The following KPNA5 variants were observed in gnomAD, a reference collection of about 807,000 sequenced individuals.
KPNA5 encodes karyopherin subunit alpha 5, also known as importin subunit alpha-6.
KPNA5 carries 46 observed loss-of-function variants against 71.3 expected under a neutral mutation model. That is an observed-to-expected ratio of 0.65 (90% CI 0.51 to 0.83). The LOEUF is 0.83. Ranked by LOEUF, KPNA5 falls within the 40% of genes least tolerant of loss-of-function variation. KPNA5 has a pLI of 0.00. For missense variants in KPNA5, 547 were observed against 628.3 expected (o/e 0.87, Z 1.38); for synonymous variants, 207 against 201.4 (o/e 1.03, Z -0.24).
chr6:116,688,460 GTGTGTGTGA>G (rs1777677933), intron 1 of KPNA5, among the ~76,000 whole-genome samples: 1 of 152,052 alleles, frequency 6.6e-6, no homozygotes, highest in African/African-American at 2.4e-5. Context: ...CAGATTTTGT[GTGTGTGTGA>G]TGTGTAAGTC....
At position 116,692,163 on chromosome 6, in the gene KPNA5, T is replaced by G; in HGVS notation, c.240+7T>G. On this transcript the variant is annotated splice_region_variant and intron_variant, in intron 3 of 13. Transcript: ENST00000368564. ...CACTGTACCCATTCCAGAGGTATAC[T>G]TTACCAAAATATGTTTCAAATTATA... The G allele has an allele frequency of 6.4e-7, 1 of 1,569,776 alleles. No individual in the cohort carries two copies. Among genetic ancestry groups the G allele is most frequent in the Non-Finnish European group, 8.7e-7 (1 of 1,145,472 alleles).
At chr6:116,688,059 A>C (rs1777661149) in intron 1 of KPNA5, among the ~76,000 whole-genome samples, 1 of 152,084 alleles carries the variant, frequency 6.6e-6, no homozygotes, top group Admixed American at 6.5e-5. Context: ...GCTTCTTCAA[A>C]AACTTTGCCT....
chr6:116,702,514 C>T (rs1259804748), intron 6 of KPNA5, among the ~76,000 whole-genome samples: 1 of 152,144 alleles, frequency 6.6e-6, no homozygotes, highest in East Asian at 1.9e-4. Context: ...AAAATCCCAG[C>T]TCTGCTAAAA....
In KPNA5 at chr6:116,733,501, C is replaced by T. The variant is rs1294582130; in HGVS notation, c.*1178C>T. ...TATGAATCATAGATTACATTCATGT[C>T]AGATTGATCAATATGTATGTTTTAT... On this transcript the variant is annotated 3_prime_UTR_variant, in exon 14 of 14. Coordinates refer to ENST00000368564, the MANE Select transcript of KPNA5 (RefSeq NM_001366306.2). 6.6e-6 allele frequency: 1 copy of T among 151,442 alleles called. No homozygotes were observed. The highest frequency in any genetic ancestry group is 1.5e-5 in the Non-Finnish European group (1 of 67,634). 9.4% of individuals were successfully genotyped at this position (151,442 alleles called of 1,614,324 possible).
At chr6:116,732,021 GT>G in intron 13 of KPNA5, 114 bp from the exon 14 acceptor site, 1 of 202,182 alleles carries the variant, frequency 4.9e-6, no homozygotes. Context: ...GATAGATGAT[GT>G]TCACTTATTA....
chr6:116,699,826 G>A (rs1448059894), intron 5 of KPNA5, among the ~76,000 whole-genome samples: 1 of 152,168 alleles, frequency 6.6e-6, no homozygotes, highest in African/African-American at 2.4e-5. Context: ...ATGATTGAAT[G>A]TGAATAAATA....
chr6:116,724,412 A>G (rs758168920), intron 10 of KPNA5, 37 bp downstream of exon 10: 2 of 1,407,962 alleles, frequency 1.4e-6, no homozygotes, highest in African/African-American at 1.4e-5. Flanking sequence ...TTGTTAACAT[A>G]AAGGACTTTA....
Position 116,681,245 on chromosome 6 carries a change from G to A in KPNA5, c.-90G>A, listed in dbSNP as rs1367241616. ...TGCGAACTGGGTCGCTACGCTTCAC[G>A]CCAGGGGCGGAGTGGCGGCCCTTCT... On this transcript the variant is annotated 5_prime_UTR_variant, in exon 1 of 14. Coordinates refer to ENST00000368564, the MANE Select transcript of KPNA5 (RefSeq NM_001366306.2). 7 of 1,568,296 alleles carry A rather than the reference G, an allele frequency of 4.5e-6. No individual in the cohort carries two copies. Among genetic ancestry groups the A allele is most frequent in the East Asian group, 2.3e-5 (1 of 43,678 alleles).
chr6:116,683,097 G>A (rs1408165791), intron 1 of KPNA5, among the ~76,000 whole-genome samples: 1 of 152,210 alleles, frequency 6.6e-6, no homozygotes, highest in Non-Finnish European at 1.5e-5. Flanking sequence ...CTTTGTATGT[G>A]TGCGTGGTGG....
intron 9 of KPNA5, among the ~76,000 whole-genome samples, chr6:116,722,676 G>A (rs1779154621): frequency 6.6e-6 from 1 of 152,128 alleles, no homozygotes; most frequent in Non-Finnish European, 1.5e-5. Flanking sequence ...TAATTAATTT[G>A]AGTAAAAGTC....
chr6:116,695,362 A>G (rs973876030), intron 4 of KPNA5, among the ~76,000 whole-genome samples: 15 of 151,798 alleles, frequency 9.9e-5, no homozygotes, highest in African/African-American at 3.6e-4. Context: ...TATTTGTGTT[A>G]TTTGACCAAT....
Position 116,724,361 on chromosome 6 carries a change from G to A in KPNA5, c.985G>A (p.Asp329Asn). 1 of 1,609,246 alleles carries A rather than the reference G, an allele frequency of 6.2e-7. No homozygotes were observed. The highest frequency in any genetic ancestry group is 2.2e-5 in the East Asian group (1 of 44,800). The change falls in exon 10 of 14, where the codon GAT becomes AAT. Residue 329 changes from aspartate to asparagine, a missense_variant. Physicochemically the swap from Asp to Asn is conservative, Grantham distance 23. Coordinates refer to ENST00000368564, the MANE Select transcript of KPNA5 (RefSeq NM_001366306.2). ...RAVGNIVTGD[D>N]IQTQVILNCS... Reference sequence around the variant, plus strand: ...AGTTGGTAATATTGTGACTGGTGATGATATTCAAACACAGGTGAGTTCAAA... The same window carrying A: ...AGTTGGTAATATTGTGACTGGTGATAATATTCAAACACAGGTGAGTTCAAA...
At chr6:116,686,193 C>T (rs1777579762) in intron 1 of KPNA5, among the ~76,000 whole-genome samples, 1 of 152,178 alleles carries the variant, frequency 6.6e-6, no homozygotes, top group Admixed American at 6.5e-5. Flanking sequence ...GCTGGGATTA[C>T]AGGTGTGAGC....
At chr6:116,718,658 T>A (rs1778992194) in intron 8 of KPNA5, among the ~76,000 whole-genome samples, 1 of 152,240 alleles carries the variant, frequency 6.6e-6, no homozygotes, top group South Asian at 2.1e-4. Flanking sequence ...TCCAAACTTA[T>A]GAAATAATAT....
At position 116,716,291 on chromosome 6, in the gene KPNA5, CA is replaced by C; in HGVS notation, c.734del (p.Asn245ThrfsTer13). The C allele has an allele frequency of 6.2e-7, 1 of 1,611,626 alleles. No individual in the cohort carries two copies. Among genetic ancestry groups the C allele is most frequent in the Non-Finnish European group, 8.5e-7 (1 of 1,178,564 alleles). Reference sequence around the variant, plus strand: ...GGGCCCTCTCAAATTTATGTAGAGGCAAAAACCCTCCTCCAAACTTTAGTAA... The same window carrying C: ...GGGCCCTCTCAAATTTATGTAGAGGCAAAACCCTCCTCCAAACTTTAGTAA... ...VWALSNLCRG[K>X]NPPPNFSKVS... On this transcript the variant is annotated frameshift_variant, in exon 8 of 14. Coordinates refer to ENST00000368564, the MANE Select transcript of KPNA5 (RefSeq NM_001366306.2). LOFTEE classifies it high-confidence loss of function.
intron 1 of KPNA5, among the ~76,000 whole-genome samples, chr6:116,686,968 C>T (rs780949250): frequency 3.9e-5 from 6 of 152,250 alleles, no homozygotes; most frequent in South Asian, 4.1e-4. Context: ...TAATATGATG[C>T]CTCCAACTTT....
intron 1 of KPNA5, among the ~76,000 whole-genome samples, chr6:116,685,171 C>G (rs540126129): frequency 6.6e-6 from 1 of 152,158 alleles, no homozygotes; most frequent in Non-Finnish European, 1.5e-5. Context: ...CGTGATCTGT[C>G]CCTACAGTGG....
At chr6:116,706,355 A>G (rs2114428214) in intron 7 of KPNA5, among the ~76,000 whole-genome samples, 2 of 152,344 alleles carry the variant, frequency 1.3e-5, no homozygotes, top group South Asian at 2.1e-4. Flanking sequence ...AATAAAACAA[A>G]GGAAGAATAA....
At chr6:116,706,692 A>G (rs1401758228) in intron 7 of KPNA5, among the ~76,000 whole-genome samples, 1 of 152,062 alleles carries the variant, frequency 6.6e-6, no homozygotes. Flanking sequence ...TCCATTTCAG[A>G]TAATAATAAT....
Sources: allele counts gnomAD v4.1 joint callset (sites outside exome capture counted in the v4.1 genomes callset), GRCh38; gene constraint gnomAD v4.1.1; transcripts MANE v1.5; gene names NCBI Gene and HGNC (gene_info 2026-07-23, HGNC 2026-07-21).